The following LRBA variants were observed in gnomAD, a reference collection of about 807,000 sequenced individuals.
The protein encoded by LRBA is lipopolysaccharide-responsive and beige-like anchor protein.
LRBA carries 176 observed loss-of-function variants against 330.0 expected under a neutral mutation model. The ratio of observed to expected loss-of-function variants is 0.53; its 90% CI spans 0.47 to 0.60. The LOEUF (loss-of-function observed/expected upper bound fraction) is 0.60, where lower values mean the gene tolerates loss of function less well. LRBA is among the 20% of genes least tolerant of loss of function. The pLI, the probability that LRBA is intolerant of heterozygous loss-of-function variation, is 0.00. For missense variants in LRBA, 3,259 were observed against 3,444.8 expected (o/e 0.95, Z 1.35); for synonymous variants, 1,230 against 1,193.0 (o/e 1.03, Z -0.64).
intron 2 of LRBA, among the ~76,000 whole-genome samples, chr4:150,942,037 T>C (rs186895910): frequency 2.3e-3 from 346 of 152,320 alleles, no homozygotes; most frequent in African/African-American, 8.0e-3. Context: ...TACAGTTAAG[T>C]GTAAATGTAG....
chr4:150,595,020 T>TA (rs923901126), intron 38 of LRBA, among the ~76,000 whole-genome samples: 28 of 151,966 alleles, frequency 1.8e-4, no homozygotes, highest in African/African-American at 5.8e-4. Context: ...TTAGCATTTT[T>TA]AAAAAAGACT....
At chr4:150,295,478 T>G (rs977915463) in intron 53 of LRBA, among the ~76,000 whole-genome samples, 2 of 152,200 alleles carry the variant, frequency 1.3e-5, no homozygotes, top group Non-Finnish European at 2.9e-5. Flanking sequence ...ATTATAGGCA[T>G]GAGCCACTGT....
chr4:150,471,285 T>A (rs1756099421), intron 43 of LRBA, among the ~76,000 whole-genome samples: 1 of 152,108 alleles, frequency 6.6e-6, no homozygotes, highest in Admixed American at 6.6e-5. Context: ...ATAGTATCCA[T>A]CCTTATACAA....
chr4:150,545,332 C>A (rs1334799320), intron 40 of LRBA, among the ~76,000 whole-genome samples: 1 of 152,100 alleles, frequency 6.6e-6, no homozygotes, highest in Non-Finnish European at 1.5e-5. Flanking sequence ...AAAATACATT[C>A]CAATATTCTA....
At chr4:150,944,108 G>A (rs1244118341) in intron 2 of LRBA, among the ~76,000 whole-genome samples, 1 of 152,088 alleles carries the variant, frequency 6.6e-6, no homozygotes, top group Non-Finnish European at 1.5e-5. Context: ...ATGCAACCTC[G>A]TGACAGACCC....
At chr4:150,906,251 G>T in intron 12 of LRBA, 46 bp downstream of exon 12, 2 of 1,193,426 alleles carry the variant, frequency 1.7e-6, no homozygotes, top group Non-Finnish European at 2.5e-6. Flanking sequence ...ACAAATGTAT[G>T]GCCTGTAAAT....
chr4:150,836,212 A>C (rs1748042089), intron 28 of LRBA, among the ~76,000 whole-genome samples: 2 of 152,206 alleles, frequency 1.3e-5, no homozygotes, highest in Admixed American at 1.3e-4. Context: ...CCAGTATTTT[A>C]GTGAGGATTT....
At chr4:150,566,318 C>T (rs1424158585) in intron 40 of LRBA, among the ~76,000 whole-genome samples, 1 of 152,090 alleles carries the variant, frequency 6.6e-6, no homozygotes, top group Non-Finnish European at 1.5e-5. Flanking sequence ...TTTATTACTA[C>T]ATAAATCTAC....
intron 36 of LRBA, among the ~76,000 whole-genome samples, chr4:150,697,370 G>C (rs1430643704): frequency 7.6e-6 from 1 of 130,770 alleles, no homozygotes; most frequent in East Asian, 2.2e-4. Context: ...GTTTCACAGA[G>C]GAATTAAAGG....
intron 42 of LRBA, among the ~76,000 whole-genome samples, chr4:150,472,764 G>C (rs1419329546): frequency 1.3e-5 from 2 of 151,962 alleles, no homozygotes; most frequent in Non-Finnish European, 2.9e-5. Flanking sequence ...TTTGTGTCAG[G>C]TTTCTTTCAC....
At chr4:150,475,011 T>C (rs1324839469) in intron 42 of LRBA, among the ~76,000 whole-genome samples, 1 of 152,146 alleles carries the variant, frequency 6.6e-6, no homozygotes, top group Non-Finnish European at 1.5e-5. Flanking sequence ...TGTGTTGAAT[T>C]TGGTCAAATG....
chr4:150,519,867 T>C (rs1428353906), intron 40 of LRBA, among the ~76,000 whole-genome samples: 1 of 152,190 alleles, frequency 6.6e-6, no homozygotes, highest in Admixed American at 6.5e-5. Context: ...TTTGGTGTTG[T>C]CAGTCTTACT....
chr4:150,439,464 TG>T (rs1221694285), intron 44 of LRBA, among the ~76,000 whole-genome samples: 1 of 151,910 alleles, frequency 6.6e-6, no homozygotes, highest in Admixed American at 6.6e-5. Flanking sequence ...CACGTTTATT[TG>T]CAAGCATATA....
At chr4:150,318,511 A>G (rs1030336471) in intron 50 of LRBA, among the ~76,000 whole-genome samples, 3 of 152,144 alleles carry the variant, frequency 2.0e-5, no homozygotes, top group African/African-American at 7.2e-5. Context: ...GGGATTTTTG[A>G]TGTTTGTTTT....
At chr4:150,918,281 A>G (rs914098440) in intron 5 of LRBA, among the ~76,000 whole-genome samples, 3 of 152,254 alleles carry the variant, frequency 2.0e-5, no homozygotes, top group Admixed American at 6.5e-5. Flanking sequence ...AAGGACAAGT[A>G]AAATTTTAAA....
rs1045793600 is a variant in LRBA at position 150,310,400 on chromosome 4, G to C, written c.7694-16C>G. On this transcript the variant is annotated splice_polypyrimidine_tract_variant and intron_variant, in intron 51 of 56. Transcript: ENST00000651943. ...GTATTGCTGGCTGTAAGAATAGGGA[G>C]GAAAAACAACTATTAAATCCACATG... is the stretch of plus-strand genomic sequence containing the variant. The C allele has an allele frequency of 5.6e-6, 9 of 1,602,726 alleles. No individual in the cohort carries two copies. The highest frequency in any genetic ancestry group is 7.7e-6 in the Non-Finnish European group (9 of 1,172,432).
intron 36 of LRBA, among the ~76,000 whole-genome samples, chr4:150,690,600 G>A (rs1784040619): frequency 6.7e-6 from 1 of 148,394 alleles, no homozygotes; most frequent in African/African-American, 2.5e-5. Flanking sequence ...TAGAAATGAA[G>A]AGCACTGGTT....
chr4:150,707,738 G>C (rs1315732072), intron 36 of LRBA, among the ~76,000 whole-genome samples: 1 of 151,584 alleles, frequency 6.6e-6, no homozygotes, highest in Non-Finnish European at 1.5e-5. Context: ...CAAAAAGCAA[G>C]AGAGAAAATG....
At chr4:150,943,467 T>C (rs559764923) in intron 2 of LRBA, among the ~76,000 whole-genome samples, 4 of 152,340 alleles carry the variant, frequency 2.6e-5, no homozygotes, top group African/African-American at 7.2e-5. Flanking sequence ...AACATATTTA[T>C]GTTCTTGAAG....
Sources: gnomAD v4.1 joint callset for allele counts (sites outside exome capture counted in the v4.1 genomes callset) on GRCh38, gnomAD v4.1.1 for gene constraint, MANE v1.5 for transcripts, NCBI Gene and HGNC (gene_info 2026-07-23, HGNC 2026-07-21) for gene names.